DLG1: variants seen among roughly 807,000 people sequenced by gnomAD.
DLG1 encodes the protein disks large homolog 1.
DLG1 carries 42 observed loss-of-function variants against 123.4 expected under a neutral mutation model. The ratio of observed to expected loss-of-function variants is 0.34; its 90% confidence interval spans 0.27 to 0.44. The LOEUF (loss-of-function observed/expected upper bound fraction) is 0.44. Among genes scored for constraint, DLG1 ranks in the 20% least tolerant of loss-of-function variants. The probability of loss-of-function intolerance (pLI) is 1.00; values close to 1 mark genes in which losing one functional copy is unlikely to be tolerated. For synonymous variants in DLG1, 317 were observed against 356.2 expected (o/e 0.89, Z 1.24); for missense variants, 942 against 1,082.6 (o/e 0.87, Z 1.82).
chr3:197,049,814 G>A (rs1263246693), intron 24 of DLG1, among the ~76,000 whole-genome samples: 5 of 152,184 alleles, frequency 3.3e-5, no homozygotes, highest in Non-Finnish European at 5.9e-5. Context: ...TATAATCCAA[G>A]CACTCTGGGA....
At chr3:197,254,707 A>G (rs1051615319) in intron 4 of DLG1, among the ~76,000 whole-genome samples, 1 of 152,186 alleles carries the variant, frequency 6.6e-6, no homozygotes, top group Admixed American at 6.5e-5. Context: ...AAAAAGAGCA[A>G]ACAGACATTC....
intron 4 of DLG1, among the ~76,000 whole-genome samples, chr3:197,215,222 C>A (rs1167346175): frequency 6.6e-6 from 1 of 151,982 alleles, no homozygotes; most frequent in African/African-American, 2.4e-5. Context: ...AGGCTGATGA[C>A]TGGAACATAA....
rs1413655378 is a variant in DLG1 at position 197,104,889 on chromosome 3, A to G, written c.1546+14T>C. ...AAAATAAGCAATAACTATAGACAAT[A>G]AGAATGTTATTACCTTCAGGTCGAT... is the stretch of plus-strand genomic sequence containing the variant. On this transcript the variant is annotated intron_variant, in intron 14 of 24. Transcript: ENST00000667157. The G allele has an allele frequency of 1.3e-6, 2 of 1,556,564 alleles. No individual in the cohort carries two copies. The highest frequency in any genetic ancestry group is 4.5e-5 in the East Asian group (2 of 44,554).
Position 197,059,925 on chromosome 3 carries a change from G to C in DLG1, c.2447C>G (p.Ser816Cys). Residue 816 changes from serine to cysteine, a missense_variant, in exon 23 of 25, where the codon TCC becomes TGC. Physicochemically the swap from Ser to Cys is moderately radical, Grantham distance 112. Transcript: ENST00000667157. ...RLQIAQLYPISIFIKPKSMEN... is the reference protein window; with the variant it reads ...RLQIAQLYPICIFIKPKSMEN... Reference sequence around the variant, plus strand: ...CATGGATTTGGGTTTAATAAAAATGGAGATAGGGTAAAGCTGTGCAATCTG... The same window carrying C: ...CATGGATTTGGGTTTAATAAAAATGCAGATAGGGTAAAGCTGTGCAATCTG... The C allele has an allele frequency of 6.2e-7, 1 of 1,613,702 alleles. No individual in the cohort carries two copies. Among genetic ancestry groups the C allele is most frequent in the Non-Finnish European group, 8.5e-7 (1 of 1,179,796 alleles).
intron 4 of DLG1, among the ~76,000 whole-genome samples, chr3:197,276,557 A>G (rs1415184554): frequency 6.6e-6 from 1 of 152,206 alleles, no homozygotes; most frequent in East Asian, 1.9e-4. Context: ...TTCTTCTTCA[A>G]ACTACAATAC....
chr3:197,109,623 ACT>A (rs1279856123), intron 13 of DLG1, among the ~76,000 whole-genome samples: 1 of 151,874 alleles, frequency 6.6e-6, no homozygotes, highest in African/African-American at 2.4e-5. Context: ...GATTTGAGTT[ACT>A]CTCTAGTTTC....
chr3:197,124,907 G>T (rs1778263081), intron 11 of DLG1, among the ~76,000 whole-genome samples: 1 of 152,108 alleles, frequency 6.6e-6, no homozygotes, highest in African/African-American at 2.4e-5. Context: ...TGTGCTGATG[G>T]TAATGATCCA....
chr3:197,254,161 G>C (rs1424502898), intron 4 of DLG1, among the ~76,000 whole-genome samples: 1 of 152,198 alleles, frequency 6.6e-6, no homozygotes, highest in Non-Finnish European at 1.5e-5. Context: ...TCCTAAAATG[G>C]AGAGTTATTT....
chr3:197,053,172 G>A (rs923898884), intron 23 of DLG1, among the ~76,000 whole-genome samples: 11 of 152,038 alleles, frequency 7.2e-5, no homozygotes, highest in African/African-American at 2.4e-4. Context: ...TATAGAGTTC[G>A]TTCCCAACTT....
At chr3:197,155,060 A>T (rs1398008830) in intron 5 of DLG1, among the ~76,000 whole-genome samples, 1 of 152,222 alleles carries the variant, frequency 6.6e-6, no homozygotes, top group Non-Finnish European at 1.5e-5. Flanking sequence ...GAAACACATG[A>T]ATATAAACAT....
At chr3:197,131,554 A>T in intron 10 of DLG1, among the ~76,000 whole-genome samples, 1 of 149,634 alleles carries the variant, frequency 6.7e-6, no homozygotes, top group East Asian at 1.9e-4. Flanking sequence ...ATATGATGAC[A>T]TCAGCAAATA....
intron 5 of DLG1, among the ~76,000 whole-genome samples, chr3:197,182,901 AAT>A (rs1459846462): frequency 1.3e-5 from 2 of 152,034 alleles, no homozygotes; most frequent in Non-Finnish European, 2.9e-5. Flanking sequence ...GATTTTTTTT[AAT>A]TTTGAGAGAC....
chr3:197,135,995 A>G lies in DLG1; in HGVS notation c.1020+547T>C, dbSNP rs143885173. ...TCTGGTTAATTTCTGTATTTTTTGT[A>G]GAGACAGGGTTTTGCCATGCTGCCC... On this transcript the variant is annotated intron_variant, in intron 10 of 24. Transcript: ENST00000667157. 3.3e-3 allele frequency among the ~76,000 whole-genome samples: 504 copies of G among 152,054 alleles called. 2 individuals are homozygous for G. The highest frequency in any genetic ancestry group is 4.7e-3 in the African/African-American group (197 of 41,496).
intron 14 of DLG1, among the ~76,000 whole-genome samples, chr3:197,099,307 C>T (rs1762233316): frequency 6.6e-6 from 1 of 152,208 alleles, no homozygotes; most frequent in African/African-American, 2.4e-5. Flanking sequence ...TCAAGTGATC[C>T]TCTTGTCTCA....
intron 4 of DLG1, among the ~76,000 whole-genome samples, chr3:197,253,764 T>C (rs76421057): frequency 0.042 from 6,425 of 152,296 alleles, 184 homozygotes; most frequent in Non-Finnish European, 0.056. Flanking sequence ...AGAAATGTTC[T>C]GTAGTTTGAC....
Position 197,136,532 on chromosome 3 carries a change from T to C in DLG1, c.1020+10A>G. 6.2e-7 allele frequency: 1 copy of C among 1,601,158 alleles called. No homozygotes were observed. Among genetic ancestry groups the C allele is most frequent in the South Asian group, 1.1e-5 (1 of 88,868 alleles). ...AATGATTTAAAAGACAATAGATTTC[T>C]TATACTTACTGCTAAAAGTTTATCT... On this transcript the variant is annotated intron_variant, in intron 10 of 24. Coordinates refer to ENST00000667157, the MANE Select transcript of DLG1 (RefSeq NM_001366207.1).
intron 1 of DLG1, chr3:197,297,922 G>A: frequency 2.0e-6 from 2 of 984,150 alleles, no homozygotes; most frequent in Non-Finnish European, 2.4e-6. Context: ...GAGCCGAGCG[G>A]AGGGGGCGAA....
intron 10 of DLG1, among the ~76,000 whole-genome samples, chr3:197,131,151 A>G (rs945873563): frequency 1.3e-5 from 2 of 152,314 alleles, no homozygotes; most frequent in African/African-American, 4.8e-5. Context: ...ATTAAAGATC[A>G]TATCTGTTAA....
intron 4 of DLG1, among the ~76,000 whole-genome samples, chr3:197,211,737 C>G (rs1311783675): frequency 2.1e-5 from 3 of 146,198 alleles, no homozygotes; most frequent in African/African-American, 7.3e-5. Context: ...CCATTTGACC[C>G]AGCAATCCCA....
Sources: allele counts gnomAD v4.1 joint callset (sites outside exome capture counted in the v4.1 genomes callset), GRCh38; gene constraint gnomAD v4.1.1; transcripts MANE v1.5; gene names NCBI Gene and HGNC (gene_info 2026-07-23, HGNC 2026-07-21).